The following PDE1A variants were observed in gnomAD, a reference collection of about 807,000 sequenced individuals.
PDE1A encodes phosphodiesterase 1A.
PDE1A carries 35 observed loss-of-function variants against 61.7 expected under a neutral mutation model. That is an observed-to-expected ratio of 0.57 (90% CI 0.43 to 0.75). The LOEUF is 0.75. PDE1A is among the 30% of genes least tolerant of loss of function. PDE1A has a pLI of 0.00. For synonymous variants in PDE1A, 232 were observed against 213.2 expected (o/e 1.09, Z -0.77); for missense variants, 597 against 630.6 (o/e 0.95, Z 0.57).
At chr2:182,623,655 T>G in the PDE1A span, among the ~76,000 whole-genome samples, 2 of 152,196 alleles carry the variant, frequency 1.3e-5, no homozygotes, top group African/African-American at 4.8e-5. Flanking sequence ...GGGCAGGTCT[T>G]GCATAAGCAG....
intron 1 of PDE1A, among the ~76,000 whole-genome samples, chr2:182,281,738 C>T (rs1054526578): frequency 1.3e-5 from 2 of 151,886 alleles, no homozygotes; most frequent in African/African-American, 2.4e-5. Context: ...CCCCTCTCAA[C>T]GGCTGCTTAG....
At chr2:182,540,130 G>A in the PDE1A span, among the ~76,000 whole-genome samples, 96 of 152,146 alleles carry the variant, frequency 6.3e-4, no homozygotes, top group African/African-American at 2.2e-3. Context: ...TTGGGAGGCC[G>A]AGGCAGGCGG....
intron 3 of PDE1A, among the ~76,000 whole-genome samples, chr2:182,237,019 A>G (rs760100337): frequency 3.9e-5 from 6 of 152,204 alleles, no homozygotes; most frequent in Non-Finnish European, 8.8e-5. Flanking sequence ...TGAGCATCGG[A>G]GATATCTTAA....
At chr2:182,442,243 C>T (rs1574665123) in intron 2 of PDE1A, among the ~76,000 whole-genome samples, 1 of 151,920 alleles carries the variant, frequency 6.6e-6, no homozygotes, top group East Asian at 1.9e-4. Context: ...CTTGGAAATA[C>T]CAAACATAAC....
intron 2 of PDE1A, among the ~76,000 whole-genome samples, chr2:182,246,443 G>A (rs1184499139): frequency 8.7e-6 from 1 of 115,324 alleles, no homozygotes; most frequent in Non-Finnish European, 1.6e-5. Context: ...TTGCTCCGTC[G>A]CTCAGGCTGT....
chr2:182,183,707 GT>G (rs11296923), intron 13 of PDE1A, among the ~76,000 whole-genome samples: 31,028 of 151,764 alleles, frequency 0.2, 3,397 homozygotes, highest in East Asian at 0.33. Flanking sequence ...TTCAAGACAA[GT>G]TTTTTAAATA....
intron 6 of PDE1A, among the ~76,000 whole-genome samples, chr2:182,226,093 T>C (rs976513869): frequency 1.3e-5 from 2 of 149,392 alleles, no homozygotes; most frequent in African/African-American, 5.1e-5. Flanking sequence ...TTAAAGAAAA[T>C]GGAAAAAAAC....
chr2:182,278,621 C>G (rs1321505241), intron 1 of PDE1A, among the ~76,000 whole-genome samples: 1 of 151,770 alleles, frequency 6.6e-6, no homozygotes, highest in Non-Finnish European at 1.5e-5. Flanking sequence ...GACTAGACTT[C>G]AAAATTACAT....
the PDE1A span, among the ~76,000 whole-genome samples, chr2:182,633,979 C>T: frequency 1.3e-5 from 2 of 151,996 alleles, no homozygotes; most frequent in Non-Finnish European, 2.9e-5. Flanking sequence ...GTCCCAGCTA[C>T]TGAAGAAGCT....
intron 2 of PDE1A, among the ~76,000 whole-genome samples, chr2:182,490,135 T>G (rs1482698492): frequency 6.6e-6 from 1 of 152,118 alleles, no homozygotes; most frequent in Non-Finnish European, 1.5e-5. Flanking sequence ...CCAAGAGAGA[T>G]AAAGATGGAG....
the PDE1A span, among the ~76,000 whole-genome samples, chr2:182,635,990 C>G: frequency 1.3e-5 from 1 of 76,286 alleles, no homozygotes; most frequent in Non-Finnish European, 2.4e-5. Context: ...GAGTCTTGCT[C>G]TTTTGCCCAG....
At chr2:182,548,722 T>C in the PDE1A span, among the ~76,000 whole-genome samples, 4 of 152,202 alleles carry the variant, frequency 2.6e-5, no homozygotes, top group African/African-American at 9.6e-5. Flanking sequence ...GGTAATTCCC[T>C]AGTTCATGCA....
chr2:182,715,410 G>A, the PDE1A span, among the ~76,000 whole-genome samples: 2 of 152,140 alleles, frequency 1.3e-5, no homozygotes, highest in African/African-American at 4.8e-5. Context: ...TATTAGCTTA[G>A]CCATAGATCC....
intron 13 of PDE1A, among the ~76,000 whole-genome samples, chr2:182,160,564 T>C (rs1691324024): frequency 1.3e-5 from 2 of 152,170 alleles, no homozygotes; most frequent in South Asian, 4.1e-4. Context: ...AACTCTGAGA[T>C]GCAGTAGCCA....
intron 13 of PDE1A, among the ~76,000 whole-genome samples, chr2:182,182,861 T>G (rs2125380907): frequency 6.6e-6 from 1 of 152,260 alleles, no homozygotes. Context: ...ATTTAAATTA[T>G]TTCTTCCTCA....
At chr2:182,426,469 T>C in intron 1 of PDE1A, 109 bp downstream of exon 1, 1 of 786,134 alleles carries the variant, frequency 1.3e-6, no homozygotes, top group Non-Finnish European at 2.2e-6. Flanking sequence ...CTTTAAGCAC[T>C]CTTGATTGCT....
intron 1 of PDE1A, among the ~76,000 whole-genome samples, chr2:182,370,956 T>C (rs1263511967): frequency 6.6e-6 from 1 of 152,106 alleles, no homozygotes; most frequent in Non-Finnish European, 1.5e-5. Flanking sequence ...AAAGAGGCTC[T>C]AAAGTCTTAC....
At chr2:182,473,604 T>C (rs1187328018) in intron 2 of PDE1A, among the ~76,000 whole-genome samples, 1 of 151,704 alleles carries the variant, frequency 6.6e-6, no homozygotes, top group African/African-American at 2.4e-5. Flanking sequence ...TTAAGCCTAG[T>C]ATCATTAGTT....
chr2:182,536,538 C>G, the PDE1A span, among the ~76,000 whole-genome samples: 1 of 151,940 alleles, frequency 6.6e-6, no homozygotes, highest in South Asian at 2.1e-4. Context: ...AAAGCTTTGC[C>G]TTTATAGGGC....
Sources: allele counts gnomAD v4.1 joint callset (sites outside exome capture counted in the v4.1 genomes callset), GRCh38; gene constraint gnomAD v4.1.1; transcripts MANE v1.5; gene names NCBI Gene and HGNC (gene_info 2026-07-23, HGNC 2026-07-21).